SLCO6A1: variants seen among roughly 807,000 people sequenced by gnomAD.
SLCO6A1 encodes the protein cancer/testis antigen 48.
A neutral mutation model predicts 72.7 loss-of-function variants in SLCO6A1; 65 were observed. The ratio of observed to expected loss-of-function variants is 0.89; its 90% confidence interval spans 0.73 to 1.10. SLCO6A1 has a LOEUF of 1.10. Among genes scored for constraint, SLCO6A1 ranks in the 50% least tolerant of loss-of-function variants. SLCO6A1 has a pLI of 0.00. For synonymous variants in SLCO6A1, 314 were observed against 298.2 expected (o/e 1.05, Z -0.55); for missense variants, 874 against 872.6 (o/e 1.00, Z -0.02).
chr5:102,466,786 T>C (rs1231762264), intron 4 of SLCO6A1, among the ~76,000 whole-genome samples: 1 of 152,216 alleles, frequency 6.6e-6, no homozygotes, highest in Non-Finnish European at 1.5e-5. Context: ...TTGAGACTTT[T>C]TTCATATGAT....
chr5:102,405,188 C>T (rs1747607511), intron 9 of SLCO6A1, among the ~76,000 whole-genome samples: 3 of 151,708 alleles, frequency 2.0e-5, no homozygotes. Flanking sequence ...AAAGTAACTA[C>T]CTGTAGAAGT....
At chr5:102,442,196 T>C (rs1313652180) in intron 6 of SLCO6A1, among the ~76,000 whole-genome samples, 1 of 152,184 alleles carries the variant, frequency 6.6e-6, no homozygotes, top group African/African-American at 2.4e-5. Context: ...CCATATCTCG[T>C]TTTTAGGAAG....
intron 6 of SLCO6A1, among the ~76,000 whole-genome samples, chr5:102,445,944 A>G (rs368801009): frequency 3.3e-5 from 5 of 152,164 alleles, no homozygotes; most frequent in African/African-American, 1.2e-4. Flanking sequence ...TTTATGTACC[A>G]GTACCATGCT....
At chr5:102,389,721 C>T (rs1446005361) in intron 11 of SLCO6A1, among the ~76,000 whole-genome samples, 1 of 151,998 alleles carries the variant, frequency 6.6e-6, no homozygotes, top group African/African-American at 2.4e-5. Context: ...ATCTTTGTAA[C>T]ATTAACTCCA....
intron 7 of SLCO6A1, among the ~76,000 whole-genome samples, chr5:102,435,418 T>A (rs1355890772): frequency 6.6e-6 from 1 of 151,562 alleles, no homozygotes. Context: ...ATGGAACACA[T>A]GAATTGTTAC....
At chr5:102,454,328 C>T (rs1387089532) in intron 6 of SLCO6A1, among the ~76,000 whole-genome samples, 1 of 152,206 alleles carries the variant, frequency 6.6e-6, no homozygotes, top group African/African-American at 2.4e-5. Flanking sequence ...CCCTACTCTT[C>T]TAACCAATGC....
chr5:102,459,602 C>G (rs532251039), intron 5 of SLCO6A1, 54 bp downstream of exon 5: 17 of 1,506,698 alleles, frequency 1.1e-5, no homozygotes, highest in East Asian at 7.2e-5. Context: ...GAATAAGAAC[C>G]ATGGTGGAAG....
At position 102,495,691 on chromosome 5, in the gene SLCO6A1, T is replaced by C. The variant is rs545206842; in HGVS notation, c.358+2796A>G. On this transcript the variant is annotated intron_variant, in intron 1 of 13. Transcript: ENST00000506729. The stretch of plus-strand genomic sequence containing the variant: ...GTCTGTACATATTTACTAAAACTCA[T>C]TGAATAACATACTTTGAAAAGTGAA... Among the ~76,000 whole-genome samples the C allele has an allele frequency of 1.5e-4, 23 of 152,220 alleles. No homozygotes were observed. The South Asian group carries it at 4.1e-3, about 27-fold the overall frequency.
chr5:102,396,712 C>T (rs531012418), intron 10 of SLCO6A1, among the ~76,000 whole-genome samples: 191 of 152,044 alleles, frequency 1.3e-3, no homozygotes, highest in African/African-American at 4.4e-3. Flanking sequence ...GTATTATAGC[C>T]CCACAGGAAA....
intron 7 of SLCO6A1, among the ~76,000 whole-genome samples, chr5:102,421,475 T>C (rs1748601650): frequency 6.6e-6 from 1 of 152,070 alleles, no homozygotes; most frequent in Admixed American, 6.6e-5. Flanking sequence ...AGTAGGCAGT[T>C]TTCCCCTCAC....
At chr5:102,374,171 C>T (rs1378273587) in intron 12 of SLCO6A1, among the ~76,000 whole-genome samples, 1 of 151,974 alleles carries the variant, frequency 6.6e-6, no homozygotes, top group Non-Finnish European at 1.5e-5. Context: ...TGCCACCACA[C>T]CTGTCTAATT....
chr5:102,388,800 A>C lies in SLCO6A1; in HGVS notation c.1905T>G (p.Phe635Leu). 1 of 1,605,808 alleles carries C rather than the reference A, an allele frequency of 6.2e-7. No homozygotes were observed. The highest frequency in any genetic ancestry group is 8.5e-7 in the Non-Finnish European group (1 of 1,177,710). Residue 635 changes from phenylalanine (F) to leucine (L), a missense_variant, in exon 12 of 14, where the codon TTT becomes TTG. By Grantham distance (22) the Phe-to-Leu change is conservative. Coordinates refer to ENST00000506729, the MANE Select transcript of SLCO6A1 (RefSeq NM_173488.5). The part of the protein sequence containing the change: ...IFGTIPGPSI[F>L]KMSGETSCIL... Reference sequence around the variant, plus strand: ...TACAAGAAGTTTCTCCTGACATTTTAAAGATTGATGGTCCAGGAATAGTCC... The same window carrying C: ...TACAAGAAGTTTCTCCTGACATTTTCAAGATTGATGGTCCAGGAATAGTCC...
rs568216094 is a variant in SLCO6A1 at position 102,405,856 on chromosome 5, C to T, written c.1627-6114G>A. ...ATCACAAATTTGAATATATGTATAGCTATAAGACATGTTACAACTGCAACA... is the reference window on the plus strand; with the variant it reads ...ATCACAAATTTGAATATATGTATAGTTATAAGACATGTTACAACTGCAACA... On this transcript the variant is annotated intron_variant, in intron 9 of 13. Coordinates refer to ENST00000506729, the MANE Select transcript of SLCO6A1 (RefSeq NM_173488.5). 2.1e-3 allele frequency among the ~76,000 whole-genome samples: 318 copies of T among 151,858 alleles called. 3 individuals carry two copies. Among genetic ancestry groups the T allele is most frequent in the African/African-American group, 7.3e-3 (302 of 41,404 alleles).
At chr5:102,448,250 T>C (rs1398640183) in intron 6 of SLCO6A1, among the ~76,000 whole-genome samples, 3 of 152,176 alleles carry the variant, frequency 2.0e-5, no homozygotes, top group Admixed American at 2.0e-4. Context: ...TTGGTATGAT[T>C]TCATTTTATT....
At chr5:102,494,972 C>CA (rs1238624651) in intron 1 of SLCO6A1, among the ~76,000 whole-genome samples, 3 of 151,944 alleles carry the variant, frequency 2.0e-5, no homozygotes, top group South Asian at 4.2e-4. Context: ...TTATAGTAGT[C>CA]AAAAAAATAT....
chr5:102,405,802 A>AT (rs1479310859), intron 9 of SLCO6A1, among the ~76,000 whole-genome samples: 2 of 152,130 alleles, frequency 1.3e-5, no homozygotes, highest in South Asian at 2.1e-4. Flanking sequence ...TTTAAGTACA[A>AT]TTTTTTTAAA....
intron 10 of SLCO6A1, among the ~76,000 whole-genome samples, chr5:102,397,141 C>G (rs1371593534): frequency 1.3e-5 from 2 of 152,050 alleles, no homozygotes; most frequent in African/African-American, 4.8e-5. Flanking sequence ...ATATTTTTAT[C>G]TGATACATGG....
At chr5:102,435,094 A>G (rs894735981) in intron 7 of SLCO6A1, among the ~76,000 whole-genome samples, 2 of 152,218 alleles carry the variant, frequency 1.3e-5, no homozygotes, top group African/African-American at 4.8e-5. Flanking sequence ...TAAGACAATA[A>G]AAGACCTCAG....
At chr5:102,469,257 T>G (rs1158311182) in intron 4 of SLCO6A1, among the ~76,000 whole-genome samples, 1 of 152,124 alleles carries the variant, frequency 6.6e-6, no homozygotes, top group Non-Finnish European at 1.5e-5. Context: ...TTGGGCAGTA[T>G]GGCTATTTTC....
Sources: gnomAD v4.1 joint callset for allele counts (sites outside exome capture counted in the v4.1 genomes callset) on GRCh38, gnomAD v4.1.1 for gene constraint, MANE v1.5 for transcripts, NCBI Gene and HGNC (gene_info 2026-07-23, HGNC 2026-07-21) for gene names.